The following CNTNAP5 variants were observed in gnomAD, a reference collection of about 807,000 sequenced individuals.
CNTNAP5 encodes the protein contactin-associated protein-like 5.
A neutral mutation model predicts 150.2 loss-of-function variants in CNTNAP5; 72 were observed. The observed-to-expected ratio is 0.48, with a 90% CI of 0.40 to 0.58. The LOEUF (loss-of-function observed/expected upper bound fraction) is 0.58. CNTNAP5 is among the 20% of genes least tolerant of loss of function. The pLI is 0.00. For synonymous variants in CNTNAP5, 672 were observed against 619.8 expected (o/e 1.08, Z -1.25); for missense variants, 1,636 against 1,626.2 (o/e 1.01, Z -0.10).
intron 3 of CNTNAP5, among the ~76,000 whole-genome samples, chr2:124,327,688 A>C (rs762269838): frequency 3.3e-5 from 5 of 152,168 alleles, no homozygotes; most frequent in Non-Finnish European, 7.4e-5. Context: ...TGCCAATCAG[A>C]AAATTTTAAA....
chr2:124,491,719 C>T (rs1269200944), intron 7 of CNTNAP5, among the ~76,000 whole-genome samples: 1 of 151,866 alleles, frequency 6.6e-6, no homozygotes, highest in Non-Finnish European at 1.5e-5. Context: ...TGTGTACAAG[C>T]CTTCCCTTTC....
intron 1 of CNTNAP5, among the ~76,000 whole-genome samples, chr2:124,129,062 A>C (rs750300894): frequency 5.3e-5 from 8 of 151,988 alleles, no homozygotes; most frequent in Non-Finnish European, 1.0e-4. Context: ...AAGTATAATA[A>C]AAATAAATAA....
chr2:124,537,858 C>G (rs944120629), intron 10 of CNTNAP5, among the ~76,000 whole-genome samples: 1 of 152,132 alleles, frequency 6.6e-6, no homozygotes, highest in African/African-American at 2.4e-5. Flanking sequence ...TGGTCCTTCT[C>G]CACCTGTGCA....
chr2:124,622,491 C>G (rs998527417), intron 12 of CNTNAP5, among the ~76,000 whole-genome samples: 2 of 151,932 alleles, frequency 1.3e-5, no homozygotes, highest in African/African-American at 4.8e-5. Context: ...TAACCGGTAA[C>G]AGGATTGCTG....
intron 19 of CNTNAP5, among the ~76,000 whole-genome samples, chr2:124,805,203 T>G (rs1329477922): frequency 1.3e-5 from 2 of 152,022 alleles, no homozygotes; most frequent in Admixed American, 6.6e-5. Flanking sequence ...GGAAACAGAT[T>G]TTAATATACA....
At chr2:124,535,606 C>CAAAAAAAAAA (rs1168717177) in intron 10 of CNTNAP5, among the ~76,000 whole-genome samples, 1 of 75,948 alleles carries the variant, frequency 1.3e-5, no homozygotes, top group Admixed American at 1.5e-4. Context: ...TACTGAAATA[C>CAAAAAAAAAA]AAAAAAAAAA....
At chr2:124,461,721 G>A (rs1693258863) in intron 6 of CNTNAP5, among the ~76,000 whole-genome samples, 1 of 151,834 alleles carries the variant, frequency 6.6e-6, no homozygotes, top group Admixed American at 6.5e-5. Context: ...GCCAGGTGTG[G>A]TGATGCATGC....
intron 3 of CNTNAP5, among the ~76,000 whole-genome samples, chr2:124,345,546 A>G (rs2104696515): frequency 6.6e-6 from 1 of 152,326 alleles, no homozygotes. Context: ...TGAAAATCTC[A>G]GCTTTCATAA....
chr2:124,345,475 G>A (rs1689716569), intron 3 of CNTNAP5, among the ~76,000 whole-genome samples: 1 of 152,092 alleles, frequency 6.6e-6, no homozygotes, highest in African/African-American at 2.4e-5. Context: ...TATGGGGGAG[G>A]AATTACACAG....
chr2:124,074,749 G>C (rs1368269607), intron 1 of CNTNAP5, among the ~76,000 whole-genome samples: 1 of 152,086 alleles, frequency 6.6e-6, no homozygotes, highest in African/African-American at 2.4e-5. Context: ...ATCATCTTGT[G>C]TCTACCATCT....
At chr2:124,462,071 C>T (rs1255680000) in intron 6 of CNTNAP5, among the ~76,000 whole-genome samples, 3 of 152,026 alleles carry the variant, frequency 2.0e-5, no homozygotes, top group Non-Finnish European at 2.9e-5. Flanking sequence ...GCTATTATCT[C>T]CTATATCACA....
At position 124,438,383 on chromosome 2, in the gene CNTNAP5, A is replaced by G. The variant is rs73952967; in HGVS notation, c.733+3696A>G. 2.4e-3 allele frequency among the ~76,000 whole-genome samples: 371 copies of G among 152,298 alleles called. 4 individuals are homozygous for G. The highest frequency in any genetic ancestry group is 8.3e-3 in the African/African-American group (346 of 41,572). ...AGGTAGAGAATCAAAGAGCAGAGATATTACGTGACAAGAGAACTGTTGTAA... is the reference window on the plus strand; with the variant it reads ...AGGTAGAGAATCAAAGAGCAGAGATGTTACGTGACAAGAGAACTGTTGTAA... On this transcript the variant is annotated intron_variant, in intron 5 of 23. Coordinates refer to ENST00000682447, the MANE Select transcript of CNTNAP5 (RefSeq NM_001367498.1).
intron 3 of CNTNAP5, among the ~76,000 whole-genome samples, chr2:124,275,893 T>G (rs976981271): frequency 6.6e-6 from 1 of 152,198 alleles, no homozygotes; most frequent in Non-Finnish European, 1.5e-5. Flanking sequence ...TACCTGGTCA[T>G]CAGACTTTCT....
intron 1 of CNTNAP5, among the ~76,000 whole-genome samples, chr2:124,114,487 G>A (rs749535525): frequency 1.3e-5 from 2 of 151,842 alleles, no homozygotes; most frequent in African/African-American, 2.4e-5. Flanking sequence ...CATCAGCCTT[G>A]CTAACCTCAT....
intron 3 of CNTNAP5, among the ~76,000 whole-genome samples, chr2:124,273,046 A>T (rs1687799197): frequency 6.6e-6 from 1 of 152,216 alleles, no homozygotes; most frequent in African/African-American, 2.4e-5. Context: ...GATACTCACT[A>T]GCTGTGCAGC....
chr2:124,163,348 C>T (rs916536991), intron 1 of CNTNAP5, among the ~76,000 whole-genome samples: 5 of 152,080 alleles, frequency 3.3e-5, no homozygotes, highest in Non-Finnish European at 7.3e-5. Context: ...ATACCTAATT[C>T]ATTTATATCA....
chr2:124,317,162 C>T (rs998968048), intron 3 of CNTNAP5, among the ~76,000 whole-genome samples: 2 of 152,122 alleles, frequency 1.3e-5, no homozygotes, highest in African/African-American at 4.8e-5. Flanking sequence ...CCATAAAAAC[C>T]TCACATGACT....
chr2:124,487,853 T>C (rs1693925541), intron 7 of CNTNAP5, among the ~76,000 whole-genome samples: 1 of 152,048 alleles, frequency 6.6e-6, no homozygotes, highest in South Asian at 2.1e-4. Context: ...GATTTGACAA[T>C]CCACGACATT....
chr2:124,080,219 A>G (rs1682528811), intron 1 of CNTNAP5, among the ~76,000 whole-genome samples: 1 of 152,194 alleles, frequency 6.6e-6, no homozygotes, highest in Admixed American at 6.5e-5. Context: ...TTCTAGCCCT[A>G]TAAACACAGT....
Sources: allele counts gnomAD v4.1 joint callset (sites outside exome capture counted in the v4.1 genomes callset), GRCh38; gene constraint gnomAD v4.1.1; transcripts MANE v1.5; gene names NCBI Gene and HGNC (gene_info 2026-07-23, HGNC 2026-07-21).